The following UBR3 variants were observed in gnomAD, a reference collection of about 807,000 sequenced individuals.
The protein encoded by UBR3 is E3 ubiquitin-protein ligase UBR3.
UBR3 carries 85 observed loss-of-function variants against 243.2 expected under a neutral mutation model. That is an observed-to-expected ratio of 0.35 (90% CI 0.29 to 0.42). UBR3 has a LOEUF of 0.42. Ranked by LOEUF, UBR3 falls within the 10% of genes least tolerant of loss-of-function variation. UBR3 has a pLI of 1.00. For synonymous variants in UBR3, 748 were observed against 799.8 expected (o/e 0.94, Z 1.09); for missense variants, 1,686 against 2,300.8 (o/e 0.73, Z 5.47).
Position 169,932,780 on chromosome 2 carries a change from A to T in UBR3, c.2567-132A>T, listed in dbSNP as rs909466126. On this transcript the variant is annotated intron_variant, in intron 18 of 38. Coordinates refer to ENST00000272793, the MANE Select transcript of UBR3 (RefSeq NM_172070.4). ...AAGTAATCATGGCATCAAGCTTCTT[A>T]AGGCAAATACTATAATCAGATTAAA... 7.0e-6 allele frequency: 5 copies of T among 719,104 alleles called. No individual in the cohort carries two copies. In the African/African-American group the frequency reaches 7.6e-5, roughly 11 times the overall value. The allele number at this position is 719,104 out of a possible 1,614,324, so 44.5% of individuals were successfully genotyped here.
At chr2:170,056,585 G>A (rs1241482756) in intron 33 of UBR3, among the ~76,000 whole-genome samples, 1 of 152,128 alleles carries the variant, frequency 6.6e-6, no homozygotes, top group African/African-American at 2.4e-5. Context: ...AAAATAATAG[G>A]TATAGTGTAA....
chr2:169,828,743 G>C (rs1005339029), intron 1 of UBR3, among the ~76,000 whole-genome samples: 2 of 152,164 alleles, frequency 1.3e-5, no homozygotes, highest in African/African-American at 4.8e-5. Context: ...TCCATACCAG[G>C]AGAACAAACA....
At chr2:169,894,129 G>A (rs1410776619) in intron 6 of UBR3, among the ~76,000 whole-genome samples, 1 of 151,692 alleles carries the variant, frequency 6.6e-6, no homozygotes, top group Non-Finnish European at 1.5e-5. Flanking sequence ...AATGTAGCCT[G>A]GACAACACAG....
rs1456501036 is a variant in UBR3, at chr2:170,029,449, G to A, written c.4556+1G>A. The stretch of plus-strand genomic sequence containing the variant: ...CCCAGTTAGAAGAGATGAATCCACA[G>A]TAAGTATAATTGAAAGACTAAAATC... On this transcript the variant is annotated splice_donor_variant, in intron 31 of 38. Coordinates refer to ENST00000272793, the MANE Select transcript of UBR3 (RefSeq NM_172070.4). LOFTEE classifies it high-confidence loss of function. 6.3e-7 allele frequency: 1 copy of A among 1,599,122 alleles called. No individual in the cohort carries two copies. The highest frequency in any genetic ancestry group is 8.5e-7 in the Non-Finnish European group (1 of 1,172,486).
chr2:169,930,095 G>A (rs1270365548), intron 18 of UBR3, among the ~76,000 whole-genome samples: 2 of 152,100 alleles, frequency 1.3e-5, no homozygotes, highest in African/African-American at 2.4e-5. Flanking sequence ...GTGGTGTAGT[G>A]CAGTGCTTAT....
chr2:169,957,620 G>GT lies in UBR3; in HGVS notation c.3546-816dup, dbSNP rs1339763287. On this transcript the variant is annotated intron_variant, in intron 23 of 38. Transcript: ENST00000272793. The stretch of plus-strand genomic sequence containing the variant: ...GAGATATACCTAATGTAAATGACGA[G>GT]TTAATGGGTGCAGCACACCAACATG... 2.0e-5 allele frequency among the ~76,000 whole-genome samples: 3 copies of GT among 151,468 alleles called. No homozygotes were observed. In the East Asian group the frequency reaches 5.8e-4, roughly 29 times the overall value.
chr2:169,997,047 A>C (rs888765908), intron 26 of UBR3, among the ~76,000 whole-genome samples: 3 of 152,112 alleles, frequency 2.0e-5, no homozygotes, highest in African/African-American at 7.2e-5. Flanking sequence ...TTTATTAATC[A>C]GAGACCAATA....
At chr2:169,848,247 A>T (rs1172408408) in intron 1 of UBR3, among the ~76,000 whole-genome samples, 2 of 150,360 alleles carry the variant, frequency 1.3e-5, no homozygotes, top group Non-Finnish European at 3.0e-5. Flanking sequence ...TAACCCAACG[A>T]CCTGGTTATT....
In UBR3 at chr2:169,932,938, C is replaced by T. The variant is rs1257006732; in HGVS notation, c.2593C>T (p.Pro865Ser). The T allele has an allele frequency of 1.9e-6, 3 of 1,541,472 alleles. No homozygotes were observed. Among genetic ancestry groups the T allele is most frequent in the Admixed American group, 2.1e-5 (1 of 48,640 alleles). Reference protein sequence around the residue: ...KAEVWDQEFDPVMVILRTVYR... With the variant: ...KAEVWDQEFDSVMVILRTVYR... ...TGAAGTCTGGGATCAAGAGTTTGACCCCGTCATGGTCATTCTTCGAACAGT... is the reference window on the plus strand; with the variant it reads ...TGAAGTCTGGGATCAAGAGTTTGACTCCGTCATGGTCATTCTTCGAACAGT... Residue 865 changes from proline to serine, a missense_variant, in exon 19 of 39, where the codon CCC (proline) becomes TCC (serine). By Grantham distance (74) the Pro-to-Ser change is moderately conservative (BLOSUM62 -1). Coordinates refer to ENST00000272793, the MANE Select transcript of UBR3 (RefSeq NM_172070.4).
intron 1 of UBR3, among the ~76,000 whole-genome samples, chr2:169,846,417 C>CT (rs1175972389): frequency 4.0e-5 from 6 of 150,796 alleles, no homozygotes; most frequent in East Asian, 3.9e-4. Flanking sequence ...TTTAAAACTC[C>CT]TTTTTTTTTA....
At chr2:169,843,862 G>C (rs1338015244) in intron 1 of UBR3, among the ~76,000 whole-genome samples, 3 of 152,172 alleles carry the variant, frequency 2.0e-5, no homozygotes, top group Non-Finnish European at 4.4e-5. Flanking sequence ...TGTAGAATAT[G>C]ACATTATTCC....
chr2:170,063,989 T>C (rs1042290971), intron 35 of UBR3, among the ~76,000 whole-genome samples: 3 of 152,226 alleles, frequency 2.0e-5, no homozygotes, highest in African/African-American at 7.2e-5. Context: ...GGATTCTTGT[T>C]TTCCCCCATA....
intron 36 of UBR3, chr2:170,077,373 A>C (rs951066897): frequency 1.9e-6 from 2 of 1,044,312 alleles, no homozygotes; most frequent in African/African-American, 3.2e-5. Context: ...TAACATCCAA[A>C]GTTATATACA....
At chr2:169,887,384 G>C (rs1203517360) in intron 5 of UBR3, among the ~76,000 whole-genome samples, 1 of 152,100 alleles carries the variant, frequency 6.6e-6, no homozygotes, top group African/African-American at 2.4e-5. Context: ...GCTTCCTCAG[G>C]GACAAATGAA....
rs1310719577 is a variant in UBR3 at position 170,055,505 on chromosome 2, C to T, written c.4706C>T (p.Thr1569Ile). 6.2e-7 allele frequency: 1 copy of T among 1,613,752 alleles called. No homozygotes were observed. Among genetic ancestry groups the T allele is most frequent in the Non-Finnish European group, 8.5e-7 (1 of 1,179,790 alleles). The change falls in exon 33 of 39, where the codon ACA (threonine) becomes ATA (isoleucine). Residue 1569 changes from threonine (T) to isoleucine (I), a missense_variant. Around this residue, in one of 8 missense-constraint regions of UBR3, gnomAD observed 371 missense variants for 422.5 expected, o/e 0.88. Transcript: ENST00000272793. ...IVKVLFTLLYTQALAALSVKC... is the reference protein window; with the variant it reads ...IVKVLFTLLYIQALAALSVKC... ...AAGGTACTTTTTACCCTACTGTACA[C>T]ACAGGCTCTTGCAGCACTCTCAGTT...
intron 6 of UBR3, among the ~76,000 whole-genome samples, chr2:169,893,375 G>A (rs2084447989): frequency 6.6e-6 from 1 of 152,108 alleles, no homozygotes. Flanking sequence ...GCCTAATGCA[G>A]GCTTGCAGAG....
chr2:169,855,701 G>T (rs183031475), intron 1 of UBR3, among the ~76,000 whole-genome samples: 2 of 152,202 alleles, frequency 1.3e-5, no homozygotes, highest in East Asian at 1.9e-4. Flanking sequence ...CAAGGCAGAA[G>T]AATTTTTCTT....
chr2:170,057,685 A>G (rs2091364568), intron 33 of UBR3, among the ~76,000 whole-genome samples: 3 of 152,140 alleles, frequency 2.0e-5, no homozygotes, highest in Admixed American at 2.0e-4. Context: ...TTTTTTTCTG[A>G]ACCTCGTAAT....
intron 31 of UBR3, among the ~76,000 whole-genome samples, chr2:170,037,813 A>G (rs1336677608): frequency 6.6e-6 from 1 of 152,110 alleles, no homozygotes; most frequent in Non-Finnish European, 1.5e-5. Context: ...TTTTTGTTTT[A>G]TTCTGTTGTA....
Sources: allele counts gnomAD v4.1 joint callset (sites outside exome capture counted in the v4.1 genomes callset), GRCh38; gene constraint gnomAD v4.1.1; regional missense constraint gnomAD v4.1.1; transcripts MANE v1.5; gene names NCBI Gene and HGNC (gene_info 2026-07-23, HGNC 2026-07-21).